The following MAP2K1 variants were observed in gnomAD, a reference collection of about 807,000 sequenced individuals.
MAP2K1 encodes mitogen-activated protein kinase kinase 1, also known as dual specificity mitogen-activated protein kinase kinase 1.
In MAP2K1, 16 loss-of-function variants were observed where a neutral mutation model predicts 46.3. The observed-to-expected ratio is 0.35, with a 90% CI of 0.23 to 0.52. MAP2K1 has a LOEUF of 0.52. MAP2K1 is among the 20% of genes least tolerant of loss of function. The pLI is 0.94. For missense variants in MAP2K1, 263 were observed against 497.1 expected, an observed-to-expected ratio of 0.53 and a Z score of 4.48; for synonymous variants, 183 against 185.6, an observed-to-expected ratio of 0.99 and a Z score of 0.11.
In MAP2K1 at chr15:66,387,366, A is replaced by G; in HGVS notation, c.19A>G (p.Thr7Ala). 6.4e-7 allele frequency: 1 copy of G among 1,565,092 alleles called. No individual in the cohort carries two copies. Among genetic ancestry groups the G allele is most frequent in the Non-Finnish European group, 8.7e-7 (1 of 1,154,200 alleles). MPKKKP[T>A]PIQLNPAPDG... is the part of the protein sequence containing the mutation. ...GTCCAAAATGCCCAAGAAGAAGCCG[A>G]CGCCCATCCAGCTGAACCCGGCCCC... Residue 7 changes from threonine (T) to alanine (A), a missense_variant, in exon 1 of 11, where the codon ACG becomes GCG. Thr to Ala is a moderately conservative substitution (Grantham distance 58). Around this residue, in one of 4 missense-constraint regions of MAP2K1, gnomAD observed 31 missense variants for 29.9 expected, o/e 1.04. Transcript: ENST00000307102.
At chr15:66,474,091 CAG>C (rs1250336749) in intron 5 of MAP2K1, among the ~76,000 whole-genome samples, 1 of 152,092 alleles carries the variant, frequency 6.6e-6, no homozygotes, top group African/African-American at 2.4e-5. Context: ...CCCTCTGGGT[CAG>C]GGGATGAGCA....
At chr15:66,402,527 G>T (rs899850707) in intron 1 of MAP2K1, among the ~76,000 whole-genome samples, 1 of 152,182 alleles carries the variant, frequency 6.6e-6, no homozygotes, top group Non-Finnish European at 1.5e-5. Context: ...GAAAACTTCA[G>T]CAATTTTCGT....
At chr15:66,402,133 T>A (rs971066987) in intron 1 of MAP2K1, among the ~76,000 whole-genome samples, 1 of 152,226 alleles carries the variant, frequency 6.6e-6, no homozygotes, top group African/African-American at 2.4e-5. Flanking sequence ...AAAAAATATT[T>A]CATTTTTAAA....
chr15:66,483,731 C>T (rs1289619009), intron 6 of MAP2K1, among the ~76,000 whole-genome samples: 2 of 150,012 alleles, frequency 1.3e-5, no homozygotes, highest in Non-Finnish European at 3.0e-5. Flanking sequence ...CATTTTACAA[C>T]ATTTGACATA....
rs1344790732 is a variant in MAP2K1 at position 66,491,418 on chromosome 15, AAAC to A, written c.*807_*809del. 5.2e-5 allele frequency: 12 copies of A among 229,766 alleles called. No homozygotes were observed. Among genetic ancestry groups the A allele is most frequent in the Non-Finnish European group, 5.2e-5 (6 of 115,918 alleles). The allele number at this position is 229,766 out of a possible 1,614,324, so 14.2% of individuals were successfully genotyped here. ...CATATCCAAGTACCAATGCTGTTGT[AAAC>A]AACGTGTATAGTGCCTAAAATTGTA... On this transcript the variant is annotated 3_prime_UTR_variant, in exon 11 of 11. Coordinates refer to ENST00000307102, the MANE Select transcript of MAP2K1 (RefSeq NM_002755.4).
chr15:66,447,184 C>T (rs1030439308), intron 5 of MAP2K1, among the ~76,000 whole-genome samples: 5 of 151,640 alleles, frequency 3.3e-5, no homozygotes, highest in African/African-American at 1.2e-4. Context: ...GTGGAGCCAC[C>T]TTTGACATGG....
At chr15:66,444,036 G>A (rs1195992061) in intron 4 of MAP2K1, among the ~76,000 whole-genome samples, 1 of 152,100 alleles carries the variant, frequency 6.6e-6, no homozygotes, top group Non-Finnish European at 1.5e-5. Context: ...TCGGGAGTTC[G>A]AGACCAGCCT....
intron 1 of MAP2K1, among the ~76,000 whole-genome samples, chr15:66,392,523 T>C (rs1205569072): frequency 1.3e-5 from 2 of 151,240 alleles, no homozygotes; most frequent in Non-Finnish European, 2.9e-5. Context: ...CTAAATTTTA[T>C]ATCAGTTTCT....
intron 3 of MAP2K1, among the ~76,000 whole-genome samples, chr15:66,439,796 G>A (rs541907866): frequency 3.9e-5 from 6 of 151,950 alleles, no homozygotes; most frequent in Middle Eastern, 3.4e-3. Flanking sequence ...ATTAGCTGGC[G>A]TGGAGGCAGG....
chr15:66,429,056 A>C (rs2093467732), intron 1 of MAP2K1, among the ~76,000 whole-genome samples: 1 of 152,268 alleles, frequency 6.6e-6, no homozygotes, highest in South Asian at 2.1e-4. Flanking sequence ...CTAGGATTAC[A>C]GGTGTGAGCC....
intron 1 of MAP2K1, among the ~76,000 whole-genome samples, chr15:66,420,638 AATTT>A (rs1764358595): frequency 7.0e-6 from 1 of 143,608 alleles, no homozygotes; most frequent in Admixed American, 7.0e-5. Flanking sequence ...TTTCAAAATA[AATTT>A]ACCTGTCCTT....
At chr15:66,446,746 C>A in intron 5 of MAP2K1, 1 of 342,926 alleles carries the variant, frequency 2.9e-6, no homozygotes. Flanking sequence ...CTGCTTATAG[C>A]CGGCAAAAAT....
intron 1 of MAP2K1, among the ~76,000 whole-genome samples, chr15:66,394,832 A>G (rs2093363925): frequency 6.6e-6 from 1 of 152,204 alleles, no homozygotes; most frequent in African/African-American, 2.4e-5. Flanking sequence ...TAGTTGATGC[A>G]GTAACTAATA....
chr15:66,399,453 C>T (rs1239212046), intron 1 of MAP2K1, among the ~76,000 whole-genome samples: 2 of 149,460 alleles, frequency 1.3e-5, no homozygotes, highest in African/African-American at 4.8e-5. Context: ...CTCCCACCCC[C>T]TCTTTTTTTT....
intron 7 of MAP2K1, among the ~76,000 whole-genome samples, chr15:66,486,427 G>A (rs1367500928): frequency 6.6e-6 from 1 of 151,880 alleles, no homozygotes; most frequent in Non-Finnish European, 1.5e-5. Flanking sequence ...TCTACTTTCT[G>A]TGTCCACGGA....
chr15:66,452,501 T>C (rs1356093909), intron 5 of MAP2K1, among the ~76,000 whole-genome samples: 1 of 152,118 alleles, frequency 6.6e-6, no homozygotes, highest in Non-Finnish European at 1.5e-5. Flanking sequence ...TTTTAATGTA[T>C]TAGTTTCTAG....
chr15:66,462,266 T>C (rs1465090311), intron 5 of MAP2K1, among the ~76,000 whole-genome samples: 1 of 152,032 alleles, frequency 6.6e-6, no homozygotes, highest in East Asian at 1.9e-4. Context: ...CTTTAGGAGC[T>C]GAGGTGGGTG....
At chr15:66,478,189 C>T (rs941706785) in intron 5 of MAP2K1, among the ~76,000 whole-genome samples, 5 of 151,116 alleles carry the variant, frequency 3.3e-5, no homozygotes, top group Admixed American at 1.3e-4. Context: ...TTCCTTGCCA[C>T]CCTGTCACAA....
chr15:66,489,312 C>G, intron 9 of MAP2K1, 36 bp downstream of exon 9: 3 of 1,587,668 alleles, frequency 1.9e-6, no homozygotes, highest in Non-Finnish European at 2.6e-6. Context: ...AGCGTATACT[C>G]TGGATTTGTC....
Sources: allele counts gnomAD v4.1 joint callset (sites outside exome capture counted in the v4.1 genomes callset), GRCh38; gene constraint gnomAD v4.1.1; regional missense constraint gnomAD v4.1.1; transcripts MANE v1.5; gene names NCBI Gene and HGNC (gene_info 2026-07-23, HGNC 2026-07-21).